TRABD2B: variants seen among roughly 807,000 people sequenced by gnomAD.
TRABD2B encodes metalloprotease TIKI2.
TRABD2B carries 14 observed loss-of-function variants against 40.1 expected under a neutral mutation model. The ratio of observed to expected loss-of-function variants is 0.35; its 90% confidence interval spans 0.23 to 0.55. The LOEUF is 0.55. Ranked by LOEUF, TRABD2B falls within the 20% of genes least tolerant of loss-of-function variation. The pLI is 0.90. For synonymous variants in TRABD2B, 263 were observed against 277.0 expected, an observed-to-expected ratio of 0.95 and a Z score of 0.50; for missense variants, 541 against 648.6, an observed-to-expected ratio of 0.83 and a Z score of 1.80.
intron 2 of TRABD2B, among the ~76,000 whole-genome samples, chr1:47,923,762 G>A (rs1469553495): frequency 6.6e-6 from 1 of 152,130 alleles, no homozygotes; most frequent in Non-Finnish European, 1.5e-5. Context: ...CCTCAAGGGA[G>A]AGGGAATTCT....
chr1:47,894,804 A>G (rs1644494644), intron 2 of TRABD2B, among the ~76,000 whole-genome samples: 1 of 152,158 alleles, frequency 6.6e-6, no homozygotes, highest in African/African-American at 2.4e-5. Context: ...TCCACAAAGA[A>G]TCTGGGGCAC....
chr1:47,978,516 T>C (rs1331695179), intron 2 of TRABD2B, among the ~76,000 whole-genome samples: 1 of 152,140 alleles, frequency 6.6e-6, no homozygotes, highest in Non-Finnish European at 1.5e-5. Flanking sequence ...AGACTGCCTG[T>C]GGTATCCCGA....
chr1:47,902,613 T>C (rs1231880844), intron 2 of TRABD2B, among the ~76,000 whole-genome samples: 2 of 152,176 alleles, frequency 1.3e-5, no homozygotes, highest in Admixed American at 6.5e-5. Flanking sequence ...CCTCCTGCCA[T>C]ATCCTCCTCA....
intron 2 of TRABD2B, among the ~76,000 whole-genome samples, chr1:47,941,747 C>T (rs573911444): frequency 4.7e-4 from 71 of 152,328 alleles, no homozygotes; most frequent in African/African-American, 1.6e-3. Flanking sequence ...AGCTCAGAGG[C>T]CCAGCCACTT....
chr1:47,996,937 C>T lies in TRABD2B; in HGVS notation c.-148G>A. ...CGCCCTCTGGGGCGTGGCTGACTGTCCCTGTCGGACCTGGGGGTTTCTCTG... is the reference window on the plus strand; with the variant it reads ...CGCCCTCTGGGGCGTGGCTGACTGTTCCTGTCGGACCTGGGGGTTTCTCTG... On this transcript the variant is annotated 5_prime_UTR_variant, in exon 1 of 7. Coordinates refer to ENST00000606738, the MANE Select transcript of TRABD2B (RefSeq NM_001194986.2). This position sits in a 1 kb window ranked among gnomAD's most constrained non-coding sequence, Gnocchi z 4.6. 2 of 1,119,260 alleles carry T rather than the reference C, an allele frequency of 1.8e-6. No individual in the cohort carries two copies. The highest frequency in any genetic ancestry group is 1.1e-6 in the Non-Finnish European group (1 of 916,896). The allele number at this position is 1,119,260 out of a possible 1,614,324, so 69.3% of individuals were successfully genotyped here. A position where few individuals can be genotyped will look rare whatever the true frequency, so the allele number is the denominator to read the frequency against.
At chr1:47,862,295 A>G (rs1309218121) in intron 2 of TRABD2B, among the ~76,000 whole-genome samples, 1 of 152,222 alleles carries the variant, frequency 6.6e-6, no homozygotes, top group Non-Finnish European at 1.5e-5. Flanking sequence ...AGGAAGAAAT[A>G]CATCTTTTTT....
chr1:47,828,902 G>A (rs988696912), intron 2 of TRABD2B, among the ~76,000 whole-genome samples: 3 of 152,144 alleles, frequency 2.0e-5, no homozygotes, highest in African/African-American at 7.2e-5. Flanking sequence ...CCTTCCCCAC[G>A]AGCCTCTCAA....
At chr1:47,981,312 C>T (rs941507193) in intron 2 of TRABD2B, among the ~76,000 whole-genome samples, 1 of 152,196 alleles carries the variant, frequency 6.6e-6, no homozygotes, top group African/African-American at 2.4e-5. Flanking sequence ...CTGCACCCGG[C>T]CACATTCTCT....
At chr1:47,771,632 C>T (rs1033979794) in intron 6 of TRABD2B, among the ~76,000 whole-genome samples, 3 of 152,242 alleles carry the variant, frequency 2.0e-5, no homozygotes, top group African/African-American at 4.8e-5. Flanking sequence ...CCACGCTGCA[C>T]AGAAATGACC....
At chr1:47,847,803 C>T (rs1057326618) in intron 2 of TRABD2B, among the ~76,000 whole-genome samples, 21 of 152,186 alleles carry the variant, frequency 1.4e-4, no homozygotes, top group Non-Finnish European at 2.4e-4. Context: ...TATAAATCGG[C>T]CGAGCTGTTC....
chr1:47,781,677 C>T (rs1437240820), intron 4 of TRABD2B, among the ~76,000 whole-genome samples: 1 of 152,248 alleles, frequency 6.6e-6, no homozygotes, highest in East Asian at 1.9e-4. Flanking sequence ...ACTCACCTTC[C>T]TTTCCCTCTG....
intron 2 of TRABD2B, among the ~76,000 whole-genome samples, chr1:47,831,573 T>C (rs1458829227): frequency 6.6e-6 from 1 of 152,176 alleles, no homozygotes; most frequent in African/African-American, 2.4e-5. Flanking sequence ...GTGACAGAGC[T>C]GCTGTATGCT....
At chr1:47,966,315 G>A (rs1484602247) in intron 2 of TRABD2B, among the ~76,000 whole-genome samples, 1 of 152,160 alleles carries the variant, frequency 6.6e-6, no homozygotes, top group Admixed American at 6.5e-5. Flanking sequence ...ATGGCCACAC[G>A]GCTGGGCTCT....
chr1:47,780,712 G>A (rs1644509903), intron 4 of TRABD2B, among the ~76,000 whole-genome samples: 1 of 152,198 alleles, frequency 6.6e-6, no homozygotes. Flanking sequence ...GGCTGTTCCA[G>A]TAGGGGGAAC....
rs1644294526 is a variant in TRABD2B, at chr1:47,765,843, G to C, written c.*59C>G. On this transcript the variant is annotated 3_prime_UTR_variant, in exon 7 of 7. Transcript: ENST00000606738. ...CCTGGAGGTGGTGGCAGGAGCAGTT[G>C]GGTGTGGCCGAAGACCCCTGTGTCA... 1.4e-6 allele frequency: 1 copy of C among 702,820 alleles called. No homozygotes were observed. The highest frequency in any genetic ancestry group is 2.6e-6 in the Non-Finnish European group (1 of 384,938). The allele number at this position is 702,820 out of a possible 1,614,324, so 43.5% of individuals were successfully genotyped here. A position where few individuals can be genotyped will look rare whatever the true frequency, so the allele number is the denominator to read the frequency against.
intron 4 of TRABD2B, among the ~76,000 whole-genome samples, chr1:47,790,875 T>G (rs1644662120): frequency 6.6e-6 from 1 of 152,236 alleles, no homozygotes; most frequent in African/African-American, 2.4e-5. Context: ...TGTTCTCAAA[T>G]GAGTGTATCC....
chr1:47,766,219 A>C (rs1212198749), intron 6 of TRABD2B, 113 bp from the exon 7 acceptor site: 2 of 637,616 alleles, frequency 3.1e-6, no homozygotes, highest in Non-Finnish European at 5.7e-6. Flanking sequence ...ACAATGGAGA[A>C]GGGAACAAGG....
chr1:47,856,993 GT>G (rs1156383618), intron 2 of TRABD2B, among the ~76,000 whole-genome samples: 1 of 152,324 alleles, frequency 6.6e-6, no homozygotes, highest in African/African-American at 2.4e-5. Flanking sequence ...TGAATAGGAG[GT>G]TTTTTGACAG....
intron 2 of TRABD2B, among the ~76,000 whole-genome samples, chr1:47,860,081 G>C (rs1643945201): frequency 6.6e-6 from 1 of 152,180 alleles, no homozygotes; most frequent in Admixed American, 6.5e-5. Flanking sequence ...TACCAGGGCT[G>C]TGATGGCGGA....
Sources: gnomAD v4.1 joint callset for allele counts (sites outside exome capture counted in the v4.1 genomes callset) on GRCh38, gnomAD v4.1.1 for gene constraint, Gnocchi (gnomAD v3.1) non-coding constraint, MANE v1.5 for transcripts, NCBI Gene and HGNC (gene_info 2026-07-23, HGNC 2026-07-21) for gene names.